The following NLGN1 variants were observed in gnomAD, a reference collection of about 807,000 sequenced individuals.
NLGN1 encodes neuroligin-1.
NLGN1 carries 12 observed loss-of-function variants against 65.5 expected under a neutral mutation model. The ratio of observed to expected loss-of-function variants is 0.18; its 90% CI spans 0.12 to 0.30. The LOEUF is 0.30. Among genes scored for constraint, NLGN1 ranks in the 10% least tolerant of loss-of-function variants. The pLI is 1.00. For missense variants in NLGN1, 750 were observed against 1,007.1 expected (o/e 0.74, Z 3.46); for synonymous variants, 350 against 359.5 (o/e 0.97, Z 0.30).
intron 2 of NLGN1, among the ~76,000 whole-genome samples, chr3:173,544,798 G>A (rs1360028219): frequency 6.6e-6 from 1 of 151,974 alleles, no homozygotes; most frequent in Non-Finnish European, 1.5e-5. Flanking sequence ...AAAGGAAAAG[G>A]GCGCAGAAGA....
intron 2 of NLGN1, among the ~76,000 whole-genome samples, chr3:173,571,156 T>A (rs1744589050): frequency 6.6e-6 from 1 of 152,154 alleles, no homozygotes; most frequent in Admixed American, 6.5e-5. Flanking sequence ...AGTTCAAAGG[T>A]TGGATTTTTA....
chr3:174,022,372 A>T (rs1378398212), intron 4 of NLGN1, among the ~76,000 whole-genome samples: 1 of 152,110 alleles, frequency 6.6e-6, no homozygotes, highest in Non-Finnish European at 1.5e-5. Flanking sequence ...GAAGTTCCCT[A>T]TCTTGGCTCT....
At chr3:174,189,142 A>G (rs1184177338) in intron 4 of NLGN1, among the ~76,000 whole-genome samples, 2 of 152,014 alleles carry the variant, frequency 1.3e-5, no homozygotes, top group African/African-American at 2.4e-5. Context: ...CCTTTGGACC[A>G]TTTAGCTTCT....
At chr3:173,647,620 T>C (rs1280783098) in intron 3 of NLGN1, among the ~76,000 whole-genome samples, 1 of 152,062 alleles carries the variant, frequency 6.6e-6, no homozygotes, top group African/African-American at 2.4e-5. Flanking sequence ...ATGGAAAATA[T>C]TTTAAACTGA....
chr3:173,450,117 G>A (rs1721199368), intron 2 of NLGN1, among the ~76,000 whole-genome samples: 1 of 152,122 alleles, frequency 6.6e-6, no homozygotes. Context: ...GATGTTAGCT[G>A]GTTATTTTGC....
rs569287547 is a variant in NLGN1 at position 174,279,019 on chromosome 3, A to C, written c.1018A>C (p.Lys340Gln). The C allele has an allele frequency of 6.2e-7, 1 of 1,604,004 alleles. No individual in the cohort carries two copies. Among genetic ancestry groups the C allele is most frequent in the African/African-American group, 1.3e-5 (1 of 74,496 alleles). Residue 340 changes from lysine (K) to glutamine (Q), a missense_variant, in exon 6 of 7, where the codon AAA becomes CAA. Transcript: ENST00000457714. This position sits in a 1 kb window ranked among gnomAD's most constrained non-coding sequence, Gnocchi z 4.7. ...GGAATGCCTACAGAAGAAGCCTTAC[A>C]AAGAACTTGTTGACCAAGATATTCA...
intron 4 of NLGN1, among the ~76,000 whole-genome samples, chr3:174,129,399 A>ACACACACT (rs1161213144): frequency 7.1e-6 from 1 of 140,356 alleles, no homozygotes; most frequent in Non-Finnish European, 1.5e-5. Flanking sequence ...ACACACACAC[A>ACACACACT]CTCATTCATT....
intron 4 of NLGN1, among the ~76,000 whole-genome samples, chr3:173,847,687 C>T (rs542494621): frequency 6.6e-6 from 1 of 152,236 alleles, no homozygotes; most frequent in South Asian, 2.1e-4. Flanking sequence ...GCCTGGCCAA[C>T]ATGGCAAAAC....
chr3:174,044,001 C>T (rs1438455155), intron 4 of NLGN1, among the ~76,000 whole-genome samples: 1 of 152,208 alleles, frequency 6.6e-6, no homozygotes, highest in African/African-American at 2.4e-5. Flanking sequence ...TTCTTCACTT[C>T]TGCACACCTG....
At chr3:173,575,879 C>G (rs540536166) in intron 2 of NLGN1, among the ~76,000 whole-genome samples, 3 of 152,062 alleles carry the variant, frequency 2.0e-5, no homozygotes, top group Non-Finnish European at 4.4e-5. Context: ...GATCCTTTAT[C>G]TAGATTGTGA....
At position 173,850,792 on chromosome 3, in the gene NLGN1, A is replaced by G. The variant is rs1479304518; in HGVS notation, c.646+42960A>G. Among the ~76,000 whole-genome samples, 5 of 152,098 alleles carry G rather than the reference A, an allele frequency of 3.3e-5. No homozygotes were observed. The East Asian group carries it at 5.8e-4, about 18-fold the overall frequency. ...CACTCTGTCACCCAGGCTAGAGTGC[A>G]GTGGCACAATCATGATCCACTGCAG... On this transcript the variant is annotated intron_variant, in intron 4 of 6. Coordinates refer to ENST00000457714, the Ensembl canonical transcript of NLGN1.
chr3:174,288,868 T>C (rs2152902687), downstream of NLGN1, among the ~76,000 whole-genome samples: 1 of 151,690 alleles, frequency 6.6e-6, no homozygotes, highest in Admixed American at 6.6e-5. Flanking sequence ...AGATGTACTT[T>C]CTACTAAAAC....
chr3:173,655,631 T>G (rs1181298318), intron 3 of NLGN1, among the ~76,000 whole-genome samples: 1 of 152,120 alleles, frequency 6.6e-6, no homozygotes, highest in African/African-American at 2.4e-5. Flanking sequence ...GTTGAAATTA[T>G]TTCTGGATGA....
chr3:173,672,651 T>G (rs913503911), intron 3 of NLGN1, among the ~76,000 whole-genome samples: 1 of 152,212 alleles, frequency 6.6e-6, no homozygotes, highest in African/African-American at 2.4e-5. Flanking sequence ...TTCAAGGAGA[T>G]AGTCTTCCTC....
At chr3:174,003,526 ACT>A (rs1047353704) in intron 4 of NLGN1, among the ~76,000 whole-genome samples, 1 of 152,202 alleles carries the variant, frequency 6.6e-6, no homozygotes, top group East Asian at 1.9e-4. Flanking sequence ...ATCTGTGGAA[ACT>A]CTTTATTTCA....
intron 2 of NLGN1, among the ~76,000 whole-genome samples, chr3:173,491,206 A>T (rs1729092664): frequency 6.6e-6 from 1 of 151,814 alleles, no homozygotes; most frequent in African/African-American, 2.4e-5. Flanking sequence ...GTTTTTGTCC[A>T]TTCAGTATGA....
chr3:173,870,857 A>G (rs1041614168), intron 4 of NLGN1, among the ~76,000 whole-genome samples: 3 of 152,156 alleles, frequency 2.0e-5, no homozygotes, highest in Non-Finnish European at 2.9e-5. Context: ...TTAAACTCCA[A>G]TATTTGGTCT....
intron 4 of NLGN1, among the ~76,000 whole-genome samples, chr3:174,111,490 A>G (rs561765221): frequency 1.0e-3 from 155 of 152,124 alleles, no homozygotes; most frequent in Non-Finnish European, 1.7e-3. Flanking sequence ...CTACAGGAAT[A>G]TGCTAAATAC....
intron 4 of NLGN1, among the ~76,000 whole-genome samples, chr3:174,076,482 G>A (rs1417691723): frequency 1.3e-5 from 2 of 152,080 alleles, no homozygotes. Flanking sequence ...GACTCAGGAT[G>A]CGTCTGAAGA....
Sources: gnomAD v4.1 joint callset for allele counts (sites outside exome capture counted in the v4.1 genomes callset) on GRCh38, gnomAD v4.1.1 for gene constraint, Gnocchi (gnomAD v3.1) non-coding constraint, MANE v1.5 for transcripts, NCBI Gene and HGNC (gene_info 2026-07-23, HGNC 2026-07-21) for gene names.